The following CDH23 variants were observed in gnomAD, a reference collection of about 807,000 sequenced individuals.
CDH23 encodes cadherin related 23, also known as cadherin-23.
In CDH23, 189 loss-of-function variants were observed where a neutral mutation model predicts 317.1. The ratio of observed to expected loss-of-function variants is 0.60; its 90% CI spans 0.53 to 0.67. The LOEUF is 0.67. CDH23 is among the 30% of genes least tolerant of loss of function. The pLI is 0.00. For missense variants in CDH23, 4,401 were observed against 4,592.4 expected (o/e 0.96, Z 1.20); for synonymous variants, 1,839 against 1,876.8 (o/e 0.98, Z 0.52).
chr10:71,447,580 C>T (rs1564586173), intron 3 of CDH23, among the ~76,000 whole-genome samples: 4 of 152,084 alleles, frequency 2.6e-5, no homozygotes, highest in Admixed American at 1.3e-4. Context: ...CTGTGGAAAA[C>T]GGCTACTCCT....
At chr10:71,626,872 G>A (rs1564695972) in intron 11 of CDH23, among the ~76,000 whole-genome samples, 6 of 152,192 alleles carry the variant, frequency 3.9e-5, no homozygotes. Context: ...ACCAGCTTGT[G>A]ATTTCATCAA....
chr10:71,519,026 G>T (rs1242996056), intron 6 of CDH23, among the ~76,000 whole-genome samples: 1 of 152,210 alleles, frequency 6.6e-6, no homozygotes. Flanking sequence ...GAGCCCCCCT[G>T]TAATTATTAT....
chr10:71,734,523 G>T, intron 33 of CDH23, 133 bp from the exon 34 acceptor site: 2 of 1,600,420 alleles, frequency 1.2e-6, no homozygotes, highest in Non-Finnish European at 1.7e-6. Flanking sequence ...GCTAGGATGA[G>T]ACCTCAGGCA....
At chr10:71,672,126 G>A (rs1048557055) in intron 14 of CDH23, among the ~76,000 whole-genome samples, 4 of 152,070 alleles carry the variant, frequency 2.6e-5, no homozygotes, top group East Asian at 1.9e-4. Context: ...TGCGCAGGGA[G>A]GAGCCCTAAC....
At chr10:71,646,661 C>T (rs771131576) in intron 14 of CDH23, 44 bp downstream of exon 14, 8 of 1,613,826 alleles carry the variant, frequency 5.0e-6, no homozygotes, top group Admixed American at 1.7e-5. Context: ...TCTCCAGGGC[C>T]GACTGTGGTG....
chr10:71,671,374 C>A (rs1249948796), intron 14 of CDH23, among the ~76,000 whole-genome samples: 1 of 152,142 alleles, frequency 6.6e-6, no homozygotes, highest in East Asian at 1.9e-4. Flanking sequence ...AGTTACCCTG[C>A]AGGGAGACAG....
chr10:71,645,494 C>G (rs1189105515), intron 12 of CDH23, among the ~76,000 whole-genome samples: 1 of 152,190 alleles, frequency 6.6e-6, no homozygotes, highest in Non-Finnish European at 1.5e-5. Flanking sequence ...CTGGGTCTTG[C>G]AGCTGGCCGG....
intron 6 of CDH23, among the ~76,000 whole-genome samples, chr10:71,559,060 C>T (rs78350566): frequency 8.0e-4 from 122 of 152,206 alleles, no homozygotes; most frequent in African/African-American, 2.6e-3. Context: ...GCTGTTTGGC[C>T]CCACCCCATT....
chr10:71,606,462 G>T (rs770215611), intron 9 of CDH23, among the ~76,000 whole-genome samples: 1 of 152,162 alleles, frequency 6.6e-6, no homozygotes, highest in Non-Finnish European at 1.5e-5. Context: ...GTGACATCAG[G>T]AGTCACCCCA....
intron 3 of CDH23, among the ~76,000 whole-genome samples, 175 bp downstream of exon 3, chr10:71,446,570 G>A (rs1358924870): frequency 6.6e-6 from 1 of 152,212 alleles, no homozygotes; most frequent in Non-Finnish European, 1.5e-5. Flanking sequence ...CAGTCCCACA[G>A]AGGGGAGCTC....
chr10:71,716,518 G>A (rs757345258), intron 28 of CDH23: 1 of 552,848 alleles, frequency 1.8e-6, no homozygotes, highest in Non-Finnish European at 3.1e-6. Context: ...AAGTCTAAGT[G>A]TACACACAGC....
intron 3 of CDH23, among the ~76,000 whole-genome samples, chr10:71,457,135 G>A (rs1227226686): frequency 6.6e-6 from 1 of 152,214 alleles, no homozygotes; most frequent in East Asian, 1.9e-4. Flanking sequence ...TGATTGGTTG[G>A]GTTTTGATAG....
At chr10:71,525,889 A>C (rs1855013578) in intron 6 of CDH23, among the ~76,000 whole-genome samples, 2 of 152,136 alleles carry the variant, frequency 1.3e-5, no homozygotes, top group Non-Finnish European at 2.9e-5. Flanking sequence ...CCCCACCCTC[A>C]TTCATTCATT....
intron 11 of CDH23, 113 bp downstream of exon 11, chr10:71,617,506 C>G (rs75714857): frequency 1.8e-5 from 27 of 1,518,674 alleles, no homozygotes; most frequent in African/African-American, 1.5e-4. Flanking sequence ...TGCGGCACCC[C>G]ACTCCTGGTA....
chr10:71,432,425 G>A (rs1360756733), intron 1 of CDH23, among the ~76,000 whole-genome samples: 1 of 151,340 alleles, frequency 6.6e-6, no homozygotes, highest in African/African-American at 2.4e-5. Context: ...GAGTGTGTGG[G>A]TGAGTGTGTG....
chr10:71,724,063 G>A lies in CDH23; in HGVS notation c.3388G>A (p.Asp1130Asn), dbSNP rs1374962047. Reference sequence around the variant, plus strand: ...TCCTCAGCTGAAAGCCACGGACGCAGATGAGGGCGAGTTTGGGCGTGTGTG... The same window carrying A: ...TCCTCAGCTGAAAGCCACGGACGCAAATGAGGGCGAGTTTGGGCGTGTGTG... Reference protein sequence around the residue: ...SILQLKATDADEGEFGRVWYR... With the variant: ...SILQLKATDANEGEFGRVWYR... Residue 1130 changes from aspartate to asparagine, a missense_variant, in exon 29 of 70, where the codon GAT becomes AAT. Physicochemically the swap from Asp to Asn is conservative, Grantham distance 23. Around this residue, in one of 3 missense-constraint regions of CDH23, gnomAD observed 3,068 missense variants for 3,203.3 expected, o/e 0.96. Transcript: ENST00000224721. 1 of 1,560,770 alleles carries A rather than the reference G, an allele frequency of 6.4e-7. No individual in the cohort carries two copies. The highest frequency in any genetic ancestry group is 1.9e-5 in the Admixed American group (1 of 52,070).
At chr10:71,640,492 G>T (rs1862488238) in intron 11 of CDH23, among the ~76,000 whole-genome samples, 1 of 152,250 alleles carries the variant, frequency 6.6e-6, no homozygotes, top group South Asian at 2.1e-4. Flanking sequence ...GCTCACGCCT[G>T]TAATCCCAGC....
chr10:71,637,252 G>A (rs906823557), intron 11 of CDH23, among the ~76,000 whole-genome samples: 3 of 152,112 alleles, frequency 2.0e-5, no homozygotes, highest in African/African-American at 4.8e-5. Context: ...TGCGCCCCAC[G>A]CCCAGGGTGG....
chr10:71,716,697 T>G, intron 28 of CDH23: 2 of 205,554 alleles, frequency 9.7e-6, no homozygotes, highest in Non-Finnish European at 1.9e-5. Flanking sequence ...TGTCAATAAC[T>G]TGCTCTGTGG....
Sources: allele counts gnomAD v4.1 joint callset (sites outside exome capture counted in the v4.1 genomes callset), GRCh38; gene constraint gnomAD v4.1.1; regional missense constraint gnomAD v4.1.1; transcripts MANE v1.5; gene names NCBI Gene and HGNC (gene_info 2026-07-23, HGNC 2026-07-21).